The following MIA2 variants were observed in gnomAD, a reference collection of about 807,000 sequenced individuals.
MIA2 encodes the protein melanoma inhibitory activity protein 2.
Under a neutral mutation model 167.8 loss-of-function variants are expected in MIA2, and 127 were observed. The ratio of observed to expected loss-of-function variants is 0.76; its 90% CI spans 0.66 to 0.88. The LOEUF is 0.88. Ranked by LOEUF, MIA2 falls within the 40% of genes least tolerant of loss-of-function variation. MIA2 has a pLI of 0.00. For missense variants in MIA2, 1,690 were observed against 1,624.7 expected, an observed-to-expected ratio of 1.04 and a Z score of -0.69; for synonymous variants, 552 against 541.9, an observed-to-expected ratio of 1.02 and a Z score of -0.26.
At chr14:39,351,783 A>G (rs1355378187), downstream of MIA2, among the ~76,000 whole-genome samples, 1 of 152,042 alleles carries the variant, frequency 6.6e-6, no homozygotes, top group Non-Finnish European at 1.5e-5. Context: ...TTTTTTTTGT[A>G]TTTTTAGTAG....
intron 23 of MIA2, among the ~76,000 whole-genome samples, chr14:39,378,127 G>A (rs4902560): frequency 0.46 from 70,288 of 152,050 alleles, 18,180 homozygotes; most frequent in African/African-American, 0.7. Context: ...ATTTTGTCAA[G>A]ATCAGGTTGA....
intron 6 of MIA2, among the ~76,000 whole-genome samples, chr14:39,263,031 A>G (rs1022619086): frequency 3.3e-5 from 5 of 152,312 alleles, no homozygotes; most frequent in South Asian, 4.1e-4. Context: ...TGATTGCCCT[A>G]GCCAGAACTT....
intron 17 of MIA2, among the ~76,000 whole-genome samples, chr14:39,307,899 C>T (rs750085234): frequency 6.6e-6 from 1 of 151,584 alleles, no homozygotes; most frequent in East Asian, 1.9e-4. Flanking sequence ...TGATCTCATA[C>T]AAGTAAAGAG....
Position 39,279,317 on chromosome 14 carries a change from T to C in MIA2, c.2020-20T>C, listed in dbSNP as rs1566693596. 1 of 1,592,360 alleles carries C rather than the reference T, an allele frequency of 6.3e-7. No homozygotes were observed. Among genetic ancestry groups the C allele is most frequent in the African/African-American group, 1.4e-5 (1 of 73,612 alleles). On this transcript the variant is annotated intron_variant, in intron 7 of 28. Coordinates refer to ENST00000640607, the MANE Select transcript of MIA2 (RefSeq NM_001329214.4). ...GAGCGTATTTGTTTTAATGTAATTT[T>C]TGTTAAAAATTTGTTTCAGGTTAGG...
At chr14:39,341,345 A>T (rs2071792891) in intron 25 of MIA2, among the ~76,000 whole-genome samples, 2 of 152,218 alleles carry the variant, frequency 1.3e-5, no homozygotes, top group South Asian at 4.1e-4. Flanking sequence ...TAAATAAATG[A>T]TGGATAATAT....
intron 23 of MIA2, among the ~76,000 whole-genome samples, chr14:39,373,187 G>A (rs2074982188): frequency 6.6e-6 from 1 of 151,918 alleles, no homozygotes; most frequent in African/African-American, 2.4e-5. Context: ...TATGGTTTTA[G>A]GATATCACTA....
In MIA2 at chr14:39,240,590, A is replaced by G; in HGVS notation, c.279A>G (p.Arg93=). The change falls in exon 3 of 29, where the codon AGA becomes AGG. Residue 93 remains arginine, a synonymous_variant. Transcript: ENST00000640607. ...SKGKEFGYFP[R]DAVQIEEVFI... is the part of the protein sequence containing the mutation. ...GAAAGGAGTTTGGATATTTTCCCAG[A>G]GATGCAGTCCAGATTGAAGAGGTGT... 6.2e-7 allele frequency: 1 copy of G among 1,613,210 alleles called. No individual in the cohort carries two copies. Among genetic ancestry groups the G allele is most frequent in the South Asian group, 1.1e-5 (1 of 91,016 alleles).
chr14:39,349,352 A>G (rs1344162777), intron 28 of MIA2, among the ~76,000 whole-genome samples: 2 of 152,212 alleles, frequency 1.3e-5, no homozygotes, highest in Non-Finnish European at 1.5e-5. Flanking sequence ...TGGCTAAGAT[A>G]TTTTTTAAAG....
chr14:39,249,123 A>G (rs748670426), intron 4 of MIA2, among the ~76,000 whole-genome samples: 2 of 152,076 alleles, frequency 1.3e-5, no homozygotes, highest in Non-Finnish European at 2.9e-5. Flanking sequence ...CCTAAGAAGA[A>G]CTAGGATAAC....
At chr14:39,358,633 T>G (rs1196612505) in intron 23 of MIA2, among the ~76,000 whole-genome samples, 1 of 152,168 alleles carries the variant, frequency 6.6e-6, no homozygotes, top group Non-Finnish European at 1.5e-5. Flanking sequence ...GCTCTCTGAT[T>G]TTTAGAATTT....
chr14:39,352,903 T>A (rs2074427283), downstream of MIA2, among the ~76,000 whole-genome samples: 1 of 152,278 alleles, frequency 6.6e-6, no homozygotes, highest in Admixed American at 6.5e-5. Flanking sequence ...CTTTTAGTGA[T>A]TTTTCAAGTA....
intron 23 of MIA2, chr14:39,386,577 C>T: frequency 1.8e-6 from 2 of 1,100,782 alleles, no homozygotes; most frequent in South Asian, 2.8e-5. Context: ...GTTATCATCA[C>T]CTGCTGTGCC....
chr14:39,346,037 C>G lies in MIA2; in HGVS notation c.3778+11C>G. On this transcript the variant is annotated intron_variant, in intron 26 of 28. Coordinates refer to ENST00000640607, the MANE Select transcript of MIA2 (RefSeq NM_001329214.4). ...CTTTGGATAAAATGGGTAAGAAGTACTTTGTGCTTTTCTTCTTTAAAAATT... is the reference window on the plus strand; with the variant it reads ...CTTTGGATAAAATGGGTAAGAAGTAGTTTGTGCTTTTCTTCTTTAAAAATT... 1 of 1,607,062 alleles carries G rather than the reference C, an allele frequency of 6.2e-7. No homozygotes were observed. The highest frequency in any genetic ancestry group is 8.5e-7 in the Non-Finnish European group (1 of 1,175,982).
intron 13 of MIA2, 42 bp from the exon 14 acceptor site, chr14:39,299,822 C>G (rs199786240): frequency 6.6e-5 from 104 of 1,573,292 alleles, no homozygotes; most frequent in Middle Eastern, 2.2e-4. Context: ...TTTAATGATT[C>G]ACTTGTGTGA....
intron 23 of MIA2, among the ~76,000 whole-genome samples, chr14:39,377,659 G>A (rs2075070343): frequency 6.6e-6 from 1 of 151,884 alleles, no homozygotes; most frequent in African/African-American, 2.4e-5. Context: ...AATCATAGAA[G>A]GACCAACTTA....
chr14:39,247,056 T>C lies in MIA2; in HGVS notation c.482T>C (p.Ile161Thr), dbSNP rs200839305. ...KSSIYESDFQ[I>T]EPGFYATYES... ...AGTATATATGAAAGTGATTTTCAGA[T>C]AGAACCTGGATTTTATGCAACTTAT... The change falls in exon 4 of 29, where the codon ATA (isoleucine) becomes ACA (threonine). Residue 161 changes from isoleucine (I) to threonine (T), a missense_variant. Ile to Thr is a moderately conservative substitution (Grantham distance 89, BLOSUM62 -1). Transcript: ENST00000640607. 47 of 1,605,946 alleles carry C rather than the reference T, an allele frequency of 2.9e-5. No individual in the cohort carries two copies. Among genetic ancestry groups the C allele is most frequent in the African/African-American group, 4.0e-5 (3 of 74,312 alleles).
intron 12 of MIA2, among the ~76,000 whole-genome samples, chr14:39,294,283 C>T (rs1353146853): frequency 2.0e-5 from 3 of 151,966 alleles, no homozygotes; most frequent in African/African-American, 7.3e-5. Context: ...CTGCAACCTC[C>T]ACCTCCTGGG....
At chr14:39,385,836 C>CCCTTGT (rs1423862511) in intron 23 of MIA2, 57 of 965,154 alleles carry the variant, frequency 5.9e-5, no homozygotes, top group Middle Eastern at 3.0e-4. Flanking sequence ...AAACAGGATG[C>CCCTTGT]CCTTGTCCTC....
Position 39,257,373 on chromosome 14 carries a change from C to T in MIA2, c.1887+4202C>T, listed in dbSNP as rs371638140. ...TCTTTTTTTTGATCTTTGTTGGTTTCAAGACTGTTTTATCAGAGACTAGGA... is the reference window on the plus strand; with the variant it reads ...TCTTTTTTTTGATCTTTGTTGGTTTTAAGACTGTTTTATCAGAGACTAGGA... On this transcript the variant is annotated intron_variant, in intron 6 of 28. Coordinates refer to ENST00000640607, the MANE Select transcript of MIA2 (RefSeq NM_001329214.4). 1.2e-4 allele frequency among the ~76,000 whole-genome samples: 18 copies of T among 151,862 alleles called. No homozygotes were observed. The East Asian group carries it at 2.1e-3, about 18-fold the overall frequency.
Sources: allele counts gnomAD v4.1 joint callset (sites outside exome capture counted in the v4.1 genomes callset), GRCh38; gene constraint gnomAD v4.1.1; transcripts MANE v1.5; gene names NCBI Gene and HGNC (gene_info 2026-07-23, HGNC 2026-07-21).